The following DPP6 variants were observed in gnomAD, a reference collection of about 807,000 sequenced individuals.
The protein encoded by DPP6 is dipeptidyl peptidase like 6, also known as A-type potassium channel modulatory protein DPP6.
In DPP6, 69 loss-of-function variants were observed where a neutral mutation model predicts 122.6. The ratio of observed to expected loss-of-function variants is 0.56; its 90% CI spans 0.46 to 0.69. The LOEUF is 0.69. DPP6 is among the 30% of genes least tolerant of loss of function. The pLI is 0.00. For synonymous variants in DPP6, 418 were observed against 433.1 expected (o/e 0.97, Z 0.43); for missense variants, 928 against 1,116.9 (o/e 0.83, Z 2.41).
At chr7:153,771,967 A>C in the DPP6 span, among the ~76,000 whole-genome samples, 2 of 152,176 alleles carry the variant, frequency 1.3e-5, no homozygotes, top group Non-Finnish European at 2.9e-5. Context: ...TTTCAAGCAA[A>C]AATTTTAGCT....
At chr7:154,598,883 G>A (rs1273763655) in intron 5 of DPP6, among the ~76,000 whole-genome samples, 1 of 151,998 alleles carries the variant, frequency 6.6e-6, no homozygotes, top group Non-Finnish European at 1.5e-5. Flanking sequence ...TCATCCTTAG[G>A]GACTTTTCCT....
chr7:154,023,543 A>G (rs1372092618), intron 1 of DPP6, among the ~76,000 whole-genome samples: 1 of 151,636 alleles, frequency 6.6e-6, no homozygotes, highest in Non-Finnish European at 1.5e-5. Flanking sequence ...GTCCAATGGT[A>G]CGATCTCAGC....
At chr7:153,985,398 C>T (rs1217917527) in intron 1 of DPP6, among the ~76,000 whole-genome samples, 1 of 152,210 alleles carries the variant, frequency 6.6e-6, no homozygotes, top group African/African-American at 2.4e-5. Flanking sequence ...GCTTTACTCA[C>T]AGTGGGACCA....
At chr7:154,787,974 A>T (rs775301959) in intron 10 of DPP6, among the ~76,000 whole-genome samples, 1 of 152,140 alleles carries the variant, frequency 6.6e-6, no homozygotes, top group Non-Finnish European at 1.5e-5. Context: ...CTATTTGCCC[A>T]GTATTTCTTT....
chr7:154,751,146 G>A (rs923803965), intron 8 of DPP6, among the ~76,000 whole-genome samples: 2 of 152,180 alleles, frequency 1.3e-5, no homozygotes, highest in Non-Finnish European at 2.9e-5. Flanking sequence ...TAGGGGGCTG[G>A]GTTGGAGATG....
chr7:154,727,912 A>T (rs1419260270), intron 8 of DPP6, 25 bp downstream of exon 8: 2 of 1,563,306 alleles, frequency 1.3e-6, no homozygotes, highest in Admixed American at 3.7e-5. Context: ...GAGAGAAAAA[A>T]GGAAGATTTG....
chr7:154,636,214 C>T (rs1835717349), intron 5 of DPP6, among the ~76,000 whole-genome samples: 1 of 152,088 alleles, frequency 6.6e-6, no homozygotes, highest in Non-Finnish European at 1.5e-5. Context: ...TACCATATAC[C>T]ATAACCATGG....
At chr7:154,719,314 T>A (rs552993310) in intron 7 of DPP6, among the ~76,000 whole-genome samples, 1 of 152,250 alleles carries the variant, frequency 6.6e-6, no homozygotes, top group South Asian at 2.1e-4. Flanking sequence ...CTGTATGGGC[T>A]GGGGATGCCA....
At position 153,994,098 on chromosome 7, in the gene DPP6, G is replaced by A. The variant is rs536169468; in HGVS notation, c.51+106364G>A. Among the ~76,000 whole-genome samples, 5 of 151,868 alleles carry A rather than the reference G, an allele frequency of 3.3e-5. No individual in the cohort carries two copies. The South Asian group carries it at 1.0e-3, about 32-fold the overall frequency. On this transcript the variant is annotated intron_variant, in intron 1 of 25. Transcript: ENST00000404039. ...AACTCCTTTTATAAGTGAATTAAGT[G>A]ACCTCTCTGGTTGAGTGATATAAGA...
At chr7:153,929,510 G>A (rs1489560516) in intron 1 of DPP6, among the ~76,000 whole-genome samples, 2 of 152,044 alleles carry the variant, frequency 1.3e-5, no homozygotes, top group Non-Finnish European at 2.9e-5. Flanking sequence ...GGAGTCATCA[G>A]CAACTAGATG....
chr7:154,225,951 A>T (rs1238569109), intron 1 of DPP6, among the ~76,000 whole-genome samples: 4 of 143,412 alleles, frequency 2.8e-5, no homozygotes, highest in African/African-American at 1.2e-4. Flanking sequence ...TTAAAATTGG[A>T]AGGCAATTCA....
intron 1 of DPP6, among the ~76,000 whole-genome samples, chr7:154,322,462 C>T (rs896715708): frequency 6.6e-6 from 1 of 152,158 alleles, no homozygotes; most frequent in Non-Finnish European, 1.5e-5. Context: ...TTCGTTTGGT[C>T]TAAAACTTTA....
chr7:154,374,999 T>C (rs1281062509), intron 1 of DPP6, among the ~76,000 whole-genome samples: 2 of 152,144 alleles, frequency 1.3e-5, no homozygotes, highest in Non-Finnish European at 2.9e-5. Context: ...TATTGAAGCA[T>C]AGGAACTTGG....
chr7:154,827,940 T>G (rs1800308200), intron 16 of DPP6, among the ~76,000 whole-genome samples: 1 of 152,114 alleles, frequency 6.6e-6, no homozygotes, highest in Admixed American at 6.5e-5. Context: ...CTGTTGGGGA[T>G]GGAAGTCACA....
At chr7:154,526,891 G>A (rs1383090999) in intron 3 of DPP6, among the ~76,000 whole-genome samples, 1 of 152,128 alleles carries the variant, frequency 6.6e-6, no homozygotes, top group Non-Finnish European at 1.5e-5. Context: ...TTTCAGAATT[G>A]GAGCTTGTGG....
chr7:153,816,243 C>T, the DPP6 span, among the ~76,000 whole-genome samples: 3 of 152,074 alleles, frequency 2.0e-5, no homozygotes, highest in Non-Finnish European at 2.9e-5. Flanking sequence ...TAAACATACA[C>T]TTAAATATAA....
At chr7:154,694,526 C>T (rs1323586369) in intron 7 of DPP6, among the ~76,000 whole-genome samples, 2 of 152,044 alleles carry the variant, frequency 1.3e-5, no homozygotes, top group African/African-American at 2.4e-5. Context: ...GCAGGAGAAT[C>T]GCTTGAACCC....
At chr7:154,207,470 C>T (rs1799510484) in intron 1 of DPP6, among the ~76,000 whole-genome samples, 1 of 152,224 alleles carries the variant, frequency 6.6e-6, no homozygotes, top group African/African-American at 2.4e-5. Context: ...GACCACTTCA[C>T]CTGTTGGGCT....
chr7:154,779,669 T>C (rs1317494719), intron 10 of DPP6, among the ~76,000 whole-genome samples: 2 of 152,228 alleles, frequency 1.3e-5, no homozygotes, highest in East Asian at 3.9e-4. Context: ...GCAAAATCTC[T>C]GTTCTTCCTG....
Sources: allele counts gnomAD v4.1 joint callset (sites outside exome capture counted in the v4.1 genomes callset), GRCh38; gene constraint gnomAD v4.1.1; transcripts MANE v1.5; gene names NCBI Gene and HGNC (gene_info 2026-07-23, HGNC 2026-07-21).